Variants in LMO1 observed in about 807,000 individuals in gnomAD.
LMO1 encodes rhombotin-1.
Under a neutral mutation model 18.0 loss-of-function variants are expected in LMO1, and 10 were observed. The observed-to-expected ratio is 0.55, with a 90% CI of 0.34 to 0.94. LMO1 has a LOEUF of 0.94. Among genes scored for constraint, LMO1 ranks in the 40% least tolerant of loss-of-function variants. The pLI is 0.02. For missense variants in LMO1, 183 were observed against 205.7 expected, an observed-to-expected ratio of 0.89 and a Z score of 0.68; for synonymous variants, 77 against 77.9, an observed-to-expected ratio of 0.99 and a Z score of 0.06.
intron 1 of LMO1, among the ~76,000 whole-genome samples, chr11:8,261,568 T>C (rs1847187177): frequency 6.6e-6 from 1 of 152,208 alleles, no homozygotes; most frequent in East Asian, 1.9e-4. Context: ...GGCTTGGGCC[T>C]GGGGAGCCAA....
At chr11:8,262,056 G>A (rs1480255575) in intron 1 of LMO1, among the ~76,000 whole-genome samples, 4 of 152,168 alleles carry the variant, frequency 2.6e-5, no homozygotes, top group East Asian at 3.9e-4. Context: ...ACCTGGCAGC[G>A]GCAATGCGAA....
At chr11:8,251,676 T>TGA (rs970514472) in intron 1 of LMO1, among the ~76,000 whole-genome samples, 18 of 151,038 alleles carry the variant, frequency 1.2e-4, no homozygotes, top group Admixed American at 8.6e-4. Flanking sequence ...TGTTTGTGTG[T>TGA]GAGAGAGAGA....
At chr11:8,263,310 G>A (rs763638692) in intron 1 of LMO1, 28 bp downstream of exon 1, 48 of 1,593,884 alleles carry the variant, frequency 3.0e-5, no homozygotes, top group Non-Finnish European at 4.0e-5. Context: ...GGGGGTGAGG[G>A]GCGTCGAGAC....
chr11:8,226,363 A>G (rs1360041309), intron 3 of LMO1, among the ~76,000 whole-genome samples: 1 of 141,276 alleles, frequency 7.1e-6, no homozygotes, highest in Admixed American at 7.2e-5. Flanking sequence ...AAAAATAAAA[A>G]TTAGCCAGGC....
At chr11:8,234,274 C>T (rs1280863049) in intron 1 of LMO1, among the ~76,000 whole-genome samples, 1 of 152,162 alleles carries the variant, frequency 6.6e-6, no homozygotes, top group Admixed American at 6.5e-5. Context: ...ACTCTTTAAT[C>T]TGGGGGAAAG....
At chr11:8,234,435 C>T (rs1291889369) in intron 1 of LMO1, among the ~76,000 whole-genome samples, 1 of 152,158 alleles carries the variant, frequency 6.6e-6, no homozygotes, top group Non-Finnish European at 1.5e-5. Flanking sequence ...AACTCCTGCC[C>T]ACCTGTCCCA....
intron 1 of LMO1, among the ~76,000 whole-genome samples, chr11:8,233,628 C>A (rs550051614): frequency 6.6e-6 from 1 of 152,058 alleles, no homozygotes; most frequent in East Asian, 1.9e-4. Context: ...TAGTCTCCTG[C>A]TCCCCAGATG....
At chr11:8,229,280 T>C (rs552445934) in intron 2 of LMO1, among the ~76,000 whole-genome samples, 1 of 152,310 alleles carries the variant, frequency 6.6e-6, no homozygotes, top group East Asian at 1.9e-4. Flanking sequence ...TTTTACTGCA[T>C]CACTTTTAAA....
At chr11:8,257,636 A>C (rs529960283) in intron 1 of LMO1, among the ~76,000 whole-genome samples, 1 of 152,402 alleles carries the variant, frequency 6.6e-6, no homozygotes, top group African/African-American at 2.4e-5. Flanking sequence ...AACCCTAGGC[A>C]GCCCTTTTGC....
intron 2 of LMO1, 83 bp downstream of exon 2, chr11:8,230,208 G>C: frequency 8.0e-7 from 1 of 1,255,772 alleles, no homozygotes; most frequent in Non-Finnish European, 1.1e-6. Flanking sequence ...GTCTAGGGCC[G>C]GGGGCACAGT....
Position 8,228,596 on chromosome 11 carries a change from G to A in LMO1, c.240-1496C>T, listed in dbSNP as rs7952320. On this transcript the variant is annotated intron_variant, in intron 2 of 3. Coordinates refer to ENST00000335790, the MANE Select transcript of LMO1 (RefSeq NM_002315.3). ...TGAGCAGCTCAAGGAAGCCACGCTC[G>A]CATCCCAGCCCACTGGTCTAGCTGG... Among the ~76,000 whole-genome samples, 21 of 151,256 alleles carry A rather than the reference G, an allele frequency of 1.4e-4. 1 individual carries two copies. The South Asian group carries it at 3.1e-3, about 23-fold the overall frequency.
intron 1 of LMO1, among the ~76,000 whole-genome samples, chr11:8,255,480 G>T (rs1847075371): frequency 1.3e-5 from 2 of 152,192 alleles, no homozygotes. Flanking sequence ...CTCCAGCCTG[G>T]GCAACAGAGT....
chr11:8,237,708 A>C (rs1565180126), intron 1 of LMO1, among the ~76,000 whole-genome samples: 1 of 152,236 alleles, frequency 6.6e-6, no homozygotes, highest in Non-Finnish European at 1.5e-5. Flanking sequence ...AGGAAGGCTG[A>C]GAGGCTAGGC....
chr11:8,237,106 T>C (rs771362215), intron 1 of LMO1, among the ~76,000 whole-genome samples: 9 of 151,320 alleles, frequency 5.9e-5, no homozygotes, highest in Admixed American at 2.0e-4. Flanking sequence ...ACGTCAGACA[T>C]TACCCAGAAG....
At chr11:8,253,188 G>A (rs1037186573) in intron 1 of LMO1, among the ~76,000 whole-genome samples, 2 of 152,194 alleles carry the variant, frequency 1.3e-5, no homozygotes, top group Admixed American at 6.5e-5. Context: ...GCTGCCTCAC[G>A]TCCTCAAGGA....
intron 1 of LMO1, among the ~76,000 whole-genome samples, chr11:8,234,714 T>C (rs1240755038): frequency 6.6e-6 from 1 of 152,180 alleles, no homozygotes; most frequent in Non-Finnish European, 1.5e-5. Flanking sequence ...CACAAGCCAG[T>C]GTCTCCTGCT....
intron 1 of LMO1, among the ~76,000 whole-genome samples, chr11:8,244,676 G>A (rs1016735597): frequency 1.3e-5 from 2 of 152,232 alleles, no homozygotes; most frequent in African/African-American, 4.8e-5. Context: ...GCTAACTGAG[G>A]CAGTCATGTG....
intron 1 of LMO1, among the ~76,000 whole-genome samples, chr11:8,236,978 G>A (rs778576486): frequency 2.0e-5 from 3 of 152,170 alleles, no homozygotes; most frequent in Non-Finnish European, 4.4e-5. Context: ...GTCAAAAAGT[G>A]GATCAGAGCT....
chr11:8,248,231 A>G (rs1317219233), intron 1 of LMO1, among the ~76,000 whole-genome samples: 1 of 152,238 alleles, frequency 6.6e-6, no homozygotes, highest in South Asian at 2.1e-4. Flanking sequence ...AAAGAATTCT[A>G]AAGATTTCAC....
Sources: allele counts gnomAD v4.1 joint callset (sites outside exome capture counted in the v4.1 genomes callset), GRCh38; gene constraint gnomAD v4.1.1; transcripts MANE v1.5; gene names NCBI Gene and HGNC (gene_info 2026-07-23, HGNC 2026-07-21).